Variants in CATSPERE observed in about 807,000 individuals in gnomAD.
The protein encoded by CATSPERE is catsper channel auxiliary subunit epsilon.
In CATSPERE, 93 loss-of-function variants were observed where a neutral mutation model predicts 114.1. That is an observed-to-expected ratio of 0.81 (90% CI 0.69 to 0.97). The LOEUF (loss-of-function observed/expected upper bound fraction) is 0.97, where lower values mean the gene tolerates loss of function less well. Among genes scored for constraint, CATSPERE ranks in the 50% least tolerant of loss-of-function variants. CATSPERE has a pLI of 0.00. For missense variants in CATSPERE, 1,058 were observed against 1,131.6 expected (o/e 0.93, Z 0.93); for synonymous variants, 341 against 384.1 (o/e 0.89, Z 1.31).
chr1:244,591,716 C>A lies in CATSPERE; in HGVS notation c.2174C>A (p.Ser725Ter). 1 of 1,516,142 alleles carries A rather than the reference C, an allele frequency of 6.6e-7. No homozygotes were observed. Among genetic ancestry groups the A allele is most frequent in the South Asian group, 1.2e-5 (1 of 85,942 alleles). 93.9% of individuals were successfully genotyped at this position (1,516,142 alleles called of 1,614,324 possible). ...AAAGGATGTCATCACCATGATTTTT[C>A]ATACGTGATTGAAAAGTAAGAAATT... ...SKKGCHHHDFSYVIEKSYLRH... is the reference protein window; with the variant it reads ...SKKGCHHHDF Residue 725 changes from serine (S) to a stop codon, truncating the protein, a stop_gained, in exon 15 of 22, where the codon TCA becomes TAA. Transcript: ENST00000366534. LOFTEE classifies it high-confidence loss of function.
At position 244,593,367 on chromosome 1, in the gene CATSPERE, G is replaced by A. The variant is rs780644089; in HGVS notation, c.2190-28G>A. 6.8e-6 allele frequency: 11 copies of A among 1,610,076 alleles called. No individual in the cohort carries two copies. In the East Asian group the frequency reaches 2.5e-4, roughly 36 times the overall value. The stretch of plus-strand genomic sequence containing the variant: ...GTTTTAAGTTTGAAAAGAGGAAAGA[G>A]AAATAATGAGGAATGTCTTTTTCAC... On this transcript the variant is annotated intron_variant, in intron 15 of 21. Transcript: ENST00000366534.
At chr1:244,548,472 T>C (rs1660106163) in intron 8 of CATSPERE, among the ~76,000 whole-genome samples, 1 of 152,138 alleles carries the variant, frequency 6.6e-6, no homozygotes, top group East Asian at 1.9e-4. Context: ...ATTTCCATCA[T>C]GGAAGTGCAG....
intron 8 of CATSPERE, among the ~76,000 whole-genome samples, chr1:244,545,040 T>C (rs1288723740): frequency 6.6e-6 from 1 of 152,204 alleles, no homozygotes. Context: ...TTCCCTTTCA[T>C]AAGATATCAC....
chr1:244,457,437 A>G (rs1369291300), upstream of CATSPERE: 2 of 152,210 alleles, frequency 1.3e-5, no homozygotes, highest in Non-Finnish European at 2.9e-5. Context: ...GATGATTTTT[A>G]TGTAATGTTA....
intron 2 of CATSPERE, among the ~76,000 whole-genome samples, chr1:244,465,051 T>C (rs1667403755): frequency 6.6e-6 from 1 of 151,810 alleles, no homozygotes; most frequent in Admixed American, 6.6e-5. Context: ...TTTTTTTTTT[T>C]TGGAGACAGA....
chr1:244,532,230 A>T (rs1160522927), intron 8 of CATSPERE, among the ~76,000 whole-genome samples: 1 of 151,152 alleles, frequency 6.6e-6, no homozygotes, highest in Non-Finnish European at 1.5e-5. Context: ...TAGTTTACTG[A>T]TTTTATTTAT....
chr1:244,592,437 T>C (rs1667853460), intron 15 of CATSPERE, among the ~76,000 whole-genome samples: 1 of 152,188 alleles, frequency 6.6e-6, no homozygotes, highest in Non-Finnish European at 1.5e-5. Flanking sequence ...GTTAAATATT[T>C]GTTAGACTGT....
intron 9 of CATSPERE, 61 bp from the exon 10 acceptor site, chr1:244,560,607 A>T: frequency 1.1e-6 from 1 of 936,298 alleles, no homozygotes; most frequent in Non-Finnish European, 1.5e-6. Flanking sequence ...TAAAAAAGAG[A>T]AATTGTTAGG....
chr1:244,590,474 A>G (rs1041691768), intron 14 of CATSPERE, among the ~76,000 whole-genome samples: 2 of 152,240 alleles, frequency 1.3e-5, no homozygotes, highest in Non-Finnish European at 2.9e-5. Flanking sequence ...TCTAAAGTAT[A>G]GAATTCAATG....
At chr1:244,572,818 A>G in intron 11 of CATSPERE, 46 bp downstream of exon 11, 3 of 1,259,058 alleles carry the variant, frequency 2.4e-6, no homozygotes, top group Non-Finnish European at 3.2e-6. Context: ...AATAAGTATA[A>G]AAGTATAATA....
chr1:244,475,605 C>G (rs892929504), intron 2 of CATSPERE, among the ~76,000 whole-genome samples: 3 of 148,232 alleles, frequency 2.0e-5, no homozygotes, highest in Non-Finnish European at 4.4e-5. Context: ...GGCGCGATCT[C>G]AGCTCACTGC....
chr1:244,599,057 G>C (rs1428617175), intron 17 of CATSPERE, among the ~76,000 whole-genome samples: 1 of 152,110 alleles, frequency 6.6e-6, no homozygotes, highest in Non-Finnish European at 1.5e-5. Flanking sequence ...GTTTGCCGCC[G>C]TGTCTGGGAA....
intron 2 of CATSPERE, among the ~76,000 whole-genome samples, chr1:244,474,312 G>A (rs1044326707): frequency 6.6e-5 from 10 of 152,028 alleles, no homozygotes; most frequent in African/African-American, 2.4e-4. Flanking sequence ...GATTATAGGC[G>A]TGAGCCACCG....
intron 7 of CATSPERE, among the ~76,000 whole-genome samples, chr1:244,514,962 C>T (rs1044261039): frequency 2.6e-5 from 4 of 152,060 alleles, no homozygotes; most frequent in African/African-American, 9.7e-5. Flanking sequence ...AAACTATTCC[C>T]ATTGGGAAAA....
chr1:244,599,923 C>G (rs1317628205), intron 17 of CATSPERE, among the ~76,000 whole-genome samples: 1 of 151,896 alleles, frequency 6.6e-6, no homozygotes, highest in African/African-American at 2.4e-5. Flanking sequence ...CAGGAATTTA[C>G]CTATAGAGAA....
At chr1:244,599,823 G>A (rs567588245) in intron 17 of CATSPERE, among the ~76,000 whole-genome samples, 1 of 152,256 alleles carries the variant, frequency 6.6e-6, no homozygotes, top group East Asian at 1.9e-4. Flanking sequence ...AGACTGCAGG[G>A]GGTTTGCAAA....
chr1:244,618,896 A>G (rs1255790352), intron 20 of CATSPERE, among the ~76,000 whole-genome samples: 1 of 152,332 alleles, frequency 6.6e-6, no homozygotes, highest in East Asian at 1.9e-4. Context: ...GAAAGAAGGG[A>G]AAAAAGAGTC....
chr1:244,492,534 C>A (rs1409884598), intron 6 of CATSPERE, among the ~76,000 whole-genome samples: 5 of 149,102 alleles, frequency 3.4e-5, no homozygotes, highest in Admixed American at 1.3e-4. Context: ...AAAACTGGCA[C>A]AAGACAGGGA....
At chr1:244,463,170 T>C (rs924580305) in intron 1 of CATSPERE, among the ~76,000 whole-genome samples, 2 of 152,218 alleles carry the variant, frequency 1.3e-5, no homozygotes, top group African/African-American at 4.8e-5. Flanking sequence ...AATTTTAAGT[T>C]TAATTTGTTT....
Sources: gnomAD v4.1 joint callset for allele counts (sites outside exome capture counted in the v4.1 genomes callset) on GRCh38, gnomAD v4.1.1 for gene constraint, MANE v1.5 for transcripts, NCBI Gene and HGNC (gene_info 2026-07-23, HGNC 2026-07-21) for gene names.